The following UST variants were observed in gnomAD, a reference collection of about 807,000 sequenced individuals.
UST encodes chondroitin sulfate 2-O-sulfotransferase.
UST carries 21 observed loss-of-function variants against 45.6 expected under a neutral mutation model. The observed-to-expected ratio is 0.46, with a 90% CI of 0.33 to 0.66. The LOEUF (loss-of-function observed/expected upper bound fraction) is 0.66, where lower values mean the gene tolerates loss of function less well. UST is among the 30% of genes least tolerant of loss of function. The probability of loss-of-function intolerance (pLI) is 0.02; values close to 1 mark genes in which losing one functional copy is unlikely to be tolerated. For missense variants in UST, 463 were observed against 512.4 expected (o/e 0.90, Z 0.93); for synonymous variants, 215 against 200.6 (o/e 1.07, Z -0.61).
intron 2 of UST, among the ~76,000 whole-genome samples, chr6:148,905,366 C>T (rs1156865418): frequency 1.3e-5 from 2 of 152,176 alleles, no homozygotes; most frequent in Non-Finnish European, 2.9e-5. Flanking sequence ...GGGTGGAGAC[C>T]CTGGCAGTTC....
chr6:148,883,362 G>T (rs188107782), intron 1 of UST, among the ~76,000 whole-genome samples: 91 of 152,340 alleles, frequency 6.0e-4, no homozygotes, highest in Non-Finnish European at 1.1e-3. Context: ...GAGTTAGTAG[G>T]TACCCGAGCT....
chr6:148,859,987 G>C (rs144834135), intron 1 of UST, among the ~76,000 whole-genome samples: 31,772 of 152,056 alleles, frequency 0.21, 3,550 homozygotes, highest in East Asian at 0.4. Context: ...GCTCTTTTTT[G>C]GTTCCACATG....
intron 2 of UST, among the ~76,000 whole-genome samples, chr6:148,938,791 G>T (rs888914397): frequency 6.6e-6 from 1 of 150,854 alleles, no homozygotes; most frequent in African/African-American, 2.4e-5. Context: ...AGTATAAATA[G>T]TATATAATAT....
chr6:148,992,961 C>A (rs535244944), intron 5 of UST: 106 of 979,580 alleles, frequency 1.1e-4, no homozygotes, highest in Non-Finnish European at 1.3e-4. Context: ...ACAAATTATA[C>A]TGAAATACAT....
At chr6:148,965,935 G>GT (rs1416938111) in intron 5 of UST, among the ~76,000 whole-genome samples, 1 of 127,918 alleles carries the variant, frequency 7.8e-6, no homozygotes, top group East Asian at 2.2e-4. Context: ...TTCTTTATAG[G>GT]TTATGAGGCC....
intron 1 of UST, among the ~76,000 whole-genome samples, chr6:148,786,907 C>T (rs956454924): frequency 6.6e-6 from 1 of 152,182 alleles, no homozygotes; most frequent in Non-Finnish European, 1.5e-5. Context: ...AATTGCCATT[C>T]TGACTGGTGT....
At position 148,884,064 on chromosome 6, in the gene UST, C is replaced by T. The variant is rs538062211; in HGVS notation, c.248-2922C>T. Among the ~76,000 whole-genome samples the T allele has an allele frequency of 1.2e-4, 18 of 149,336 alleles. 1 individual carries two copies. Among genetic ancestry groups the T allele is most frequent in the African/African-American group, 3.7e-4 (15 of 40,098 alleles). Reference sequence around the variant, plus strand: ...AGGAGAATCGCTTGAACCCGGGAGACGGAGGTTGCAGTGAGCCAAGATTGC... The same window carrying T: ...AGGAGAATCGCTTGAACCCGGGAGATGGAGGTTGCAGTGAGCCAAGATTGC... On this transcript the variant is annotated intron_variant, in intron 1 of 7. Coordinates refer to ENST00000367463, the MANE Select transcript of UST (RefSeq NM_005715.3).
chr6:148,935,800 G>A (rs1234008402), intron 2 of UST, among the ~76,000 whole-genome samples: 2 of 152,164 alleles, frequency 1.3e-5, no homozygotes, highest in Admixed American at 6.5e-5. Flanking sequence ...AATTAGCTGC[G>A]TTGACACTCT....
At chr6:148,765,600 C>T (rs9689803) in intron 1 of UST, among the ~76,000 whole-genome samples, 5,064 of 151,984 alleles carry the variant, frequency 0.033, 103 homozygotes, top group Non-Finnish European at 0.041. Flanking sequence ...CCTCAGCTTA[C>T]GAAGATGATG....
intron 1 of UST, among the ~76,000 whole-genome samples, chr6:148,853,913 A>G (rs1778153257): frequency 6.6e-6 from 1 of 152,178 alleles, no homozygotes; most frequent in African/African-American, 2.4e-5. Flanking sequence ...CATACCCAAA[A>G]TACTGGGGTG....
chr6:149,026,700 A>C (rs1414017118), intron 7 of UST, among the ~76,000 whole-genome samples: 1 of 152,144 alleles, frequency 6.6e-6, no homozygotes, highest in East Asian at 1.9e-4. Flanking sequence ...CAGACATAGA[A>C]CTCTATGACC....
intron 1 of UST, among the ~76,000 whole-genome samples, chr6:148,780,749 T>A (rs2333861): frequency 0.5 from 75,753 of 152,098 alleles, 19,144 homozygotes; most frequent in East Asian, 0.65. Flanking sequence ...CCATTTTTTC[T>A]GATAACATAT....
rs781313951 is a variant in UST, at chr6:148,900,249, C to T, written c.291+13220C>T. On this transcript the variant is annotated intron_variant, in intron 2 of 7. Coordinates refer to ENST00000367463, the MANE Select transcript of UST (RefSeq NM_005715.3). ...CCTGCTCCCATCAGAACGGCTTGCT[C>T]GCTCAACCTCATGCTCAGGTGTGTC... is the stretch of plus-strand genomic sequence containing the variant. Among the ~76,000 whole-genome samples, 77 of 152,122 alleles carry T rather than the reference C, an allele frequency of 5.1e-4. 1 individual carries two copies. The highest frequency in any genetic ancestry group is 1.5e-4 in the Non-Finnish European group (10 of 68,030).
chr6:148,897,659 C>CTT (rs199789231), intron 2 of UST, among the ~76,000 whole-genome samples: 3 of 146,074 alleles, frequency 2.1e-5, no homozygotes, highest in East Asian at 2.0e-4. Flanking sequence ...GCCCAGCTAA[C>CTT]TTTTTTTTTT....
intron 2 of UST, among the ~76,000 whole-genome samples, chr6:148,923,722 G>GGT (rs1779759579): frequency 6.6e-6 from 1 of 152,152 alleles, no homozygotes; most frequent in South Asian, 2.1e-4. Flanking sequence ...ACCTGACCCA[G>GGT]GATGAGGGAT....
At chr6:148,987,713 C>A (rs1390742149) in intron 5 of UST, among the ~76,000 whole-genome samples, 1 of 152,006 alleles carries the variant, frequency 6.6e-6, no homozygotes, top group Non-Finnish European at 1.5e-5. Flanking sequence ...GTTTCAGGAC[C>A]CACCGTGTGA....
At chr6:149,018,649 G>A (rs76126055) in intron 5 of UST, among the ~76,000 whole-genome samples, 3,006 of 152,246 alleles carry the variant, frequency 0.02, 124 homozygotes, top group African/African-American at 0.07. Flanking sequence ...AGCTAATATA[G>A]TGTTAGAAGT....
chr6:148,838,404 A>G (rs1287149767), intron 1 of UST, among the ~76,000 whole-genome samples: 1 of 152,336 alleles, frequency 6.6e-6, no homozygotes, highest in Non-Finnish European at 1.5e-5. Flanking sequence ...AAGATAACAG[A>G]AAGCCTTTAG....
intron 2 of UST, among the ~76,000 whole-genome samples, chr6:148,926,520 A>G (rs888195995): frequency 6.6e-6 from 1 of 152,212 alleles, no homozygotes; most frequent in African/African-American, 2.4e-5. Context: ...ATTAGCTTGC[A>G]GATCTTGGCT....
Sources: allele counts gnomAD v4.1 joint callset (sites outside exome capture counted in the v4.1 genomes callset), GRCh38; gene constraint gnomAD v4.1.1; transcripts MANE v1.5; gene names NCBI Gene and HGNC (gene_info 2026-07-23, HGNC 2026-07-21).